Variants in CELSR1 observed in about 807,000 individuals in gnomAD.
The protein encoded by CELSR1 is cadherin EGF LAG seven-pass G-type receptor 1.
In CELSR1, 110 loss-of-function variants were observed where a neutral mutation model predicts 249.1. That is an observed-to-expected ratio of 0.44 (90% confidence interval 0.38 to 0.52). The LOEUF (loss-of-function observed/expected upper bound fraction) is 0.52, where lower values mean the gene tolerates loss of function less well. Ranked by LOEUF, CELSR1 falls within the 20% of genes least tolerant of loss-of-function variation. The probability of loss-of-function intolerance (pLI) is 0.00; values close to 1 mark genes in which losing one functional copy is unlikely to be tolerated. For missense variants in CELSR1, 4,109 were observed against 4,296.4 expected (o/e 0.96, Z 1.22); for synonymous variants, 2,113 against 1,900.0 (o/e 1.11, Z -2.92).
Position 46,381,941 on chromosome 22 carries a change from A to G in CELSR1, c.6993T>C (p.Asp2331=), listed in dbSNP as rs1239970307. 1.3e-6 allele frequency: 2 copies of G among 1,567,734 alleles called. No homozygotes were observed. The highest frequency in any genetic ancestry group is 2.4e-5 in the East Asian group (1 of 42,142). ...APISRRRRHP[D]DAGQFAVALV... ...GAGCGACGGCGAACTGGCCAGCGTC[A>G]TCAGGGTGTCGCCTCCGCCTGCTGA... The change falls in exon 21 of 35, where the codon GAT becomes GAC. Residue 2331 remains aspartate (D), a synonymous_variant. Transcript: ENST00000674500. This position sits in a 1 kb window ranked among gnomAD's most constrained non-coding sequence, Gnocchi z 6.0.
Position 46,440,005 on chromosome 22 carries a change from C to A in CELSR1, c.4184-594G>T, listed in dbSNP as rs1007277053. ...AACCCGGTTCTAATCTGGCCCGTCT[C>A]GCCCACCAGCCTGTGAGCTCCTGAA... On this transcript the variant is annotated intron_variant, in intron 2 of 34. Coordinates refer to ENST00000674500, the MANE Select transcript of CELSR1 (RefSeq NM_001378328.1). This position sits in a 1 kb window ranked among gnomAD's most constrained non-coding sequence, Gnocchi z 4.7. Among the ~76,000 whole-genome samples the A allele has an allele frequency of 5.3e-5, 8 of 152,004 alleles. No homozygotes were observed. The highest frequency in any genetic ancestry group is 1.7e-4 in the African/African-American group (7 of 41,324).
At chr22:46,507,533 C>T (rs2080526997) in intron 1 of CELSR1, among the ~76,000 whole-genome samples, 1 of 152,152 alleles carries the variant, frequency 6.6e-6, no homozygotes, top group Non-Finnish European at 1.5e-5. Context: ...GTGCCCCAGG[C>T]CCCAACAGCC....
chr22:46,472,460 T>C lies in CELSR1; in HGVS notation c.3545-8115A>G, dbSNP rs997747611. 3.3e-5 allele frequency among the ~76,000 whole-genome samples: 5 copies of C among 151,956 alleles called. No individual in the cohort carries two copies. Among genetic ancestry groups the C allele is most frequent in the African/African-American group, 4.8e-5 (2 of 41,356 alleles). On this transcript the variant is annotated intron_variant, in intron 1 of 34. Transcript: ENST00000674500. This position sits in a 1 kb window ranked among gnomAD's most constrained non-coding sequence, Gnocchi z 7.0. ...GACTCGGTGGCAGGTGATTGGCGGC[T>C]GTGGGTGAAGAGCAGCGCAGCTGAT...
In CELSR1 at chr22:46,365,255, C is replaced by T; in HGVS notation, c.8530G>A (p.Gly2844Ser). The change falls in exon 32 of 35, where the codon GGC becomes AGC. Residue 2844 changes from glycine (G) to serine (S), a missense_variant. This residue lies in a region of CELSR1 where 1,805 missense variants were observed against 1,831.6 expected (regional missense o/e 0.99). Transcript: ENST00000674500. The part of the protein sequence containing the change: ...GAEEKWDPAR[G>S]AVHSTPKGDA... ...CCTTTGGGGGTGCTGTGGACGGCGCCCCTGGCCGGGTCCCATTTTTCCTCA... is the reference window on the plus strand; with the variant it reads ...CCTTTGGGGGTGCTGTGGACGGCGCTCCTGGCCGGGTCCCATTTTTCCTCA... The T allele has an allele frequency of 6.2e-7, 1 of 1,612,416 alleles. No individual in the cohort carries two copies. The highest frequency in any genetic ancestry group is 8.5e-7 in the Non-Finnish European group (1 of 1,179,918).
At chr22:46,480,287 C>T (rs2080253725) in intron 1 of CELSR1, among the ~76,000 whole-genome samples, 1 of 152,200 alleles carries the variant, frequency 6.6e-6, no homozygotes, top group Non-Finnish European at 1.5e-5. Flanking sequence ...GAAATAATGT[C>T]TCCCCCTCAC....
At chr22:46,461,967 G>C (rs1193962779) in intron 2 of CELSR1, among the ~76,000 whole-genome samples, 1 of 152,230 alleles carries the variant, frequency 6.6e-6, no homozygotes, top group East Asian at 1.9e-4. Context: ...AGGGGACCTG[G>C]GGAAGCTGAC....
Position 46,396,671 on chromosome 22 carries a change from G to A in CELSR1, c.5777C>T (p.Pro1926Leu). 1.2e-6 allele frequency: 2 copies of A among 1,612,898 alleles called. No homozygotes were observed. Among genetic ancestry groups the A allele is most frequent in the Non-Finnish European group, 1.7e-6 (2 of 1,179,568 alleles). The change falls in exon 13 of 35, where the codon CCC becomes CTC. Residue 1926 changes from proline to leucine, a missense_variant. By Grantham distance (98) the Pro-to-Leu change is moderately conservative (BLOSUM62 -3). Coordinates refer to ENST00000674500, the MANE Select transcript of CELSR1 (RefSeq NM_001378328.1). The surrounding 1 kb of genome is among the most constrained non-coding windows in gnomAD (Gnocchi z 6.4). ...CENMGACVRS[P>L]GSPQGYVCEC... is the part of the protein sequence containing the mutation. ...GCACACGTAGCCCTGCGGGGAGCCG[G>A]GGGAGCGCACGCAGGCCCCCATGTT... is the stretch of plus-strand genomic sequence containing the variant.
chr22:46,442,410 C>T (rs1346150903), intron 2 of CELSR1, among the ~76,000 whole-genome samples: 1 of 152,214 alleles, frequency 6.6e-6, no homozygotes, highest in Non-Finnish European at 1.5e-5. Context: ...CATCCCAGCT[C>T]TGCAGCACGC....
At chr22:46,476,465 G>A (rs1407028570) in intron 1 of CELSR1, among the ~76,000 whole-genome samples, 4 of 151,938 alleles carry the variant, frequency 2.6e-5, no homozygotes, top group African/African-American at 7.3e-5. Flanking sequence ...GCGTGGTGGT[G>A]CACACCTGTG....
Position 46,391,588 on chromosome 22 carries a change from T to G in CELSR1, c.6148+45A>C. ...ACACGTGCACGCCAGTGCAGCAGCCTGTCCCCGCGCTGTAACCTGCAGGGT... is the reference window on the plus strand; with the variant it reads ...ACACGTGCACGCCAGTGCAGCAGCCGGTCCCCGCGCTGTAACCTGCAGGGT... On this transcript the variant is annotated intron_variant, in intron 15 of 34. Coordinates refer to ENST00000674500, the MANE Select transcript of CELSR1 (RefSeq NM_001378328.1). The surrounding 1 kb of genome is among the most constrained non-coding windows in gnomAD (Gnocchi z 4.3). The G allele has an allele frequency of 6.6e-7, 1 of 1,520,036 alleles. No homozygotes were observed. The highest frequency in any genetic ancestry group is 8.7e-7 in the Non-Finnish European group (1 of 1,143,124). The allele number at this position is 1,520,036 out of a possible 1,614,324, so 94.2% of individuals were successfully genotyped here. A position where few individuals can be genotyped will look rare whatever the true frequency, so the allele number is the denominator to read the frequency against.
Position 46,374,746 on chromosome 22 carries a change from C to G in CELSR1, c.7585-1689G>C, listed in dbSNP as rs915494127. 1.3e-5 allele frequency among the ~76,000 whole-genome samples: 2 copies of G among 152,182 alleles called. No individual in the cohort carries two copies. The highest frequency in any genetic ancestry group is 4.8e-5 in the African/African-American group (2 of 41,406). On this transcript the variant is annotated intron_variant, in intron 24 of 34. Transcript: ENST00000674500. The surrounding 1 kb of genome is among the most constrained non-coding windows in gnomAD (Gnocchi z 4.3). The stretch of plus-strand genomic sequence containing the variant: ...CACTAGAGGGGTTTTGAGATGAAAT[C>G]CGCACACTTCTCAGAGCCTTCCCAG...
At chr22:46,467,526 G>A (rs1421535725) in intron 1 of CELSR1, among the ~76,000 whole-genome samples, 2 of 150,056 alleles carry the variant, frequency 1.3e-5, no homozygotes, top group African/African-American at 4.9e-5. Flanking sequence ...TATATATATA[G>A]AAAACTCTGG....
At chr22:46,421,048 C>T (rs2079465966) in intron 5 of CELSR1, among the ~76,000 whole-genome samples, 1 of 152,222 alleles carries the variant, frequency 6.6e-6, no homozygotes, top group African/African-American at 2.4e-5. Flanking sequence ...CTCCCATCAT[C>T]TACTCTGTGC....
intron 25 of CELSR1, 113 bp downstream of exon 25, chr22:46,372,770 G>T: frequency 1.5e-6 from 2 of 1,348,708 alleles, no homozygotes; most frequent in Non-Finnish European, 2.0e-6. Flanking sequence ...TCTGCTGGGG[G>T]CTGGACAAGC....
chr22:46,474,199 G>A (rs898400931), intron 1 of CELSR1, among the ~76,000 whole-genome samples: 2 of 152,200 alleles, frequency 1.3e-5, no homozygotes, highest in Non-Finnish European at 2.9e-5. Context: ...CAGGGCTGGG[G>A]AGAGCAGAGC....
intron 1 of CELSR1, among the ~76,000 whole-genome samples, chr22:46,479,824 G>A (rs1291175041): frequency 6.6e-6 from 1 of 152,134 alleles, no homozygotes; most frequent in Non-Finnish European, 1.5e-5. Context: ...AAAGCCCCAG[G>A]CAGAAATGGT....
At chr22:46,459,794 C>T (rs542596401) in intron 2 of CELSR1, among the ~76,000 whole-genome samples, 1 of 152,346 alleles carries the variant, frequency 6.6e-6, no homozygotes, top group South Asian at 2.1e-4. Flanking sequence ...TGTCTTGTAC[C>T]TCAGTTTCTA....
rs2078896045 is a variant in CELSR1 at position 46,374,502 on chromosome 22, C to A, written c.7585-1445G>T. Among the ~76,000 whole-genome samples, 1 of 152,166 alleles carries A rather than the reference C, an allele frequency of 6.6e-6. No individual in the cohort carries two copies. The highest frequency in any genetic ancestry group is 1.5e-5 in the Non-Finnish European group (1 of 68,018). ...ATAGGATTGTGGGTTTACAAAAAAA[C>A]CATAAAGCCCAGGCACTCTGCCAAG... is the stretch of plus-strand genomic sequence containing the variant. On this transcript the variant is annotated intron_variant, in intron 24 of 34. Coordinates refer to ENST00000674500, the MANE Select transcript of CELSR1 (RefSeq NM_001378328.1). This position sits in a 1 kb window ranked among gnomAD's most constrained non-coding sequence, Gnocchi z 4.3.
At chr22:46,459,250 G>T (rs997415109) in intron 2 of CELSR1, among the ~76,000 whole-genome samples, 1 of 152,236 alleles carries the variant, frequency 6.6e-6, no homozygotes, top group Non-Finnish European at 1.5e-5. Flanking sequence ...CAGACACCAA[G>T]AGCAGCACCA....
Sources: allele counts gnomAD v4.1 joint callset (sites outside exome capture counted in the v4.1 genomes callset), GRCh38; gene constraint gnomAD v4.1.1; regional missense constraint gnomAD v4.1.1; non-coding constraint Gnocchi (gnomAD v3.1); transcripts MANE v1.5; gene names NCBI Gene and HGNC (gene_info 2026-07-23, HGNC 2026-07-21).